The following ORMDL3 variants were observed in gnomAD, a reference collection of about 807,000 sequenced individuals.
The protein encoded by ORMDL3 is ORMDL sphingolipid biosynthesis regulator 3, also known as ORM1-like protein 3.
A neutral mutation model predicts 12.6 loss-of-function variants in ORMDL3; 6 were observed. That is an observed-to-expected ratio of 0.48 (90% CI 0.26 to 0.94). The LOEUF is 0.94. Among genes scored for constraint, ORMDL3 ranks in the 40% least tolerant of loss-of-function variants. The pLI, the probability that ORMDL3 is intolerant of heterozygous loss-of-function variation, is 0.14. For missense variants in ORMDL3, 159 were observed against 205.5 expected, an observed-to-expected ratio of 0.77 and a Z score of 1.38; for synonymous variants, 99 against 87.2, an observed-to-expected ratio of 1.14 and a Z score of -0.75.
chr17:39,922,815 A>G (rs1453997934), intron 3 of ORMDL3, 130 bp from the exon 4 acceptor site: 4 of 1,237,908 alleles, frequency 3.2e-6, no homozygotes, highest in Non-Finnish European at 4.4e-6. Flanking sequence ...AGACCAGCGT[A>G]AGAAGCAAGA....
intron 1 of ORMDL3, among the ~76,000 whole-genome samples, chr17:39,924,987 C>T (rs1388933708): frequency 6.6e-6 from 1 of 152,186 alleles, no homozygotes; most frequent in African/African-American, 2.4e-5. Flanking sequence ...ATGCTACCCA[C>T]TCCACTGCCA....
chr17:39,927,533 G>C lies in ORMDL3; in HGVS notation c.-72C>G, dbSNP rs1345720219. 1 of 985,366 alleles carries C rather than the reference G, an allele frequency of 1.0e-6. No individual in the cohort carries two copies. Among genetic ancestry groups the C allele is most frequent in the African/African-American group, 1.7e-5 (1 of 57,242 alleles). The allele number at this position is 985,366 out of a possible 1,614,324, so 61.0% of individuals were successfully genotyped here. ...CCGGGAACGGTTCCCGGGAGCGGGG[G>C]CCGCTGCTGCTCCAGCAGCTGTAAC... On this transcript the variant is annotated 5_prime_UTR_variant, in exon 1 of 4. Coordinates refer to ENST00000304046, the MANE Select transcript of ORMDL3 (RefSeq NM_139280.4).
Position 39,922,674 on chromosome 17 carries a change from G to GA in ORMDL3, c.337_338insT (p.Thr113IlefsTer6). 1 of 1,613,640 alleles carries GA rather than the reference G, an allele frequency of 6.2e-7. No individual in the cohort carries two copies. ...CTGGTCGTACTTAGTGTAGAAGCTGGTGAGGAAGTACCTGGGAGGGGAAGG... is the reference window on the plus strand; with the variant it reads ...CTGGTCGTACTTAGTGTAGAAGCTGGATGAGGAAGTACCTGGGAGGGGAAGG... On this transcript the variant is annotated frameshift_variant, in exon 4 of 4. Coordinates refer to ENST00000304046, the MANE Select transcript of ORMDL3 (RefSeq NM_139280.4). LOFTEE classifies it high-confidence loss of function.
At position 39,927,537 on chromosome 17, in the gene ORMDL3, C is replaced by T. The variant is rs1008396104; in HGVS notation, c.-76G>A. 1.0e-6 allele frequency: 1 copy of T among 985,534 alleles called. No individual in the cohort carries two copies. Among genetic ancestry groups the T allele is most frequent in the Non-Finnish European group, 1.2e-6 (1 of 829,994 alleles). The allele number at this position is 985,534 out of a possible 1,614,324, so 61.0% of individuals were successfully genotyped here. A position where few individuals can be genotyped will look rare whatever the true frequency, so the allele number is the denominator to read the frequency against. On this transcript the variant is annotated 5_prime_UTR_variant, in exon 1 of 4. Coordinates refer to ENST00000304046, the MANE Select transcript of ORMDL3 (RefSeq NM_139280.4). ...GAACGGTTCCCGGGAGCGGGGGCCGCTGCTGCTCCAGCAGCTGTAACAACC... is the reference window on the plus strand; with the variant it reads ...GAACGGTTCCCGGGAGCGGGGGCCGTTGCTGCTCCAGCAGCTGTAACAACC...
rs1349548476 is a variant in ORMDL3, at chr17:39,923,225, G to A, written c.213C>T (p.Pro71=). ...YIFLHTVKGT[P]FETPDQGKAR... ...CCTTGCCCTGGTCCGGGGTCTCAAA[G>A]GGTGTCCCCTTCACCGTGTGCAGGA... is the stretch of plus-strand genomic sequence containing the variant. Residue 71 remains proline, a synonymous_variant, in exon 3 of 4, where the codon CCC becomes CCT. Coordinates refer to ENST00000304046, the MANE Select transcript of ORMDL3 (RefSeq NM_139280.4). The A allele has an allele frequency of 6.2e-7, 1 of 1,614,164 alleles. No individual in the cohort carries two copies.
intron 2 of ORMDL3, among the ~76,000 whole-genome samples, chr17:39,923,735 G>A (rs1344582508): frequency 6.6e-6 from 1 of 152,124 alleles, no homozygotes; most frequent in Non-Finnish European, 1.5e-5. Context: ...GAACTCTCTG[G>A]AGCCCTTTGT....
At chr17:39,923,411 G>A in intron 2 of ORMDL3, 148 bp from the exon 3 acceptor site, 1 of 876,652 alleles carries the variant, frequency 1.1e-6, no homozygotes, top group Non-Finnish European at 1.8e-6. Flanking sequence ...TCAGGATGGA[G>A]CAGCTGGGAG....
At position 39,922,460 on chromosome 17, in the gene ORMDL3, A is replaced by G; in HGVS notation, c.*90T>C. 6.9e-7 allele frequency: 1 copy of G among 1,449,174 alleles called. No homozygotes were observed. The highest frequency in any genetic ancestry group is 2.2e-5 in the Admixed American group (1 of 45,780). 89.8% of individuals were successfully genotyped at this position (1,449,174 alleles called of 1,614,324 possible). ...AACCCCCATCTCTGGCAGTGTCCAG[A>G]GGCTTCTTCTTTCTGTCTTCAGTGT... On this transcript the variant is annotated 3_prime_UTR_variant, in exon 4 of 4. Coordinates refer to ENST00000304046, the MANE Select transcript of ORMDL3 (RefSeq NM_139280.4).
chr17:39,925,532 G>A (rs145465572), intron 1 of ORMDL3: 1 of 152,374 alleles, frequency 6.6e-6, no homozygotes, highest in African/African-American at 2.4e-5. Flanking sequence ...AGATATTCTA[G>A]AAGTACCCAG....
rs1193395891 is a variant in ORMDL3 at position 39,927,601 on chromosome 17, C to G, written c.-140G>C. The G allele has an allele frequency of 2.0e-6, 2 of 985,874 alleles. No homozygotes were observed. The allele number at this position is 985,874 out of a possible 1,614,324, so 61.1% of individuals were successfully genotyped here. A position where few individuals can be genotyped will look rare whatever the true frequency, so the allele number is the denominator to read the frequency against. On this transcript the variant is annotated 5_prime_UTR_variant, in exon 1 of 4. Transcript: ENST00000304046. ...TCCCCGCTGGCAGCTCCGGCCGAAT[C>G]AGCGCTCCGCGCCGGTCCCCGTACG... is the stretch of plus-strand genomic sequence containing the variant.
intron 2 of ORMDL3, among the ~76,000 whole-genome samples, chr17:39,923,570 A>G (rs1978315781): frequency 6.6e-6 from 1 of 152,020 alleles, no homozygotes; most frequent in African/African-American, 2.4e-5. Context: ...GGAGGAGGCA[A>G]GCGATGGGAC....
At chr17:39,923,654 C>T (rs568560385) in intron 2 of ORMDL3, among the ~76,000 whole-genome samples, 48 of 152,240 alleles carry the variant, frequency 3.2e-4, no homozygotes, top group African/African-American at 1.1e-3. Flanking sequence ...AAGTGGAAGA[C>T]GGTTCGAGAA....
intron 1 of ORMDL3, chr17:39,926,515 G>A (rs1290236943): frequency 6.6e-6 from 1 of 152,498 alleles, no homozygotes; most frequent in Non-Finnish European, 1.5e-5. Context: ...TAGGTCTACA[G>A]GAGTTGAGCC....
At chr17:39,924,293 C>T (rs997172579) in intron 1 of ORMDL3, 68 bp from the exon 2 acceptor site, 39 of 1,448,480 alleles carry the variant, frequency 2.7e-5, no homozygotes, top group South Asian at 2.4e-4. Context: ...CCTCGGATCC[C>T]GCTGGGAGGC....
chr17:39,927,130 T>C (rs1978473898), intron 1 of ORMDL3: 1 of 521,118 alleles, frequency 1.9e-6, no homozygotes, highest in Non-Finnish European at 2.5e-6. Context: ...CCCGCTCTGT[T>C]CCCCAGCCTG....
At position 39,923,175 on chromosome 17, in the gene ORMDL3, T is replaced by C. The variant is rs1978310433; in HGVS notation, c.263A>G (p.Gln88Arg). The change falls in exon 3 of 4, where the codon CAG becomes CGG. Residue 88 changes from glutamine to arginine, a missense_variant. Gln to Arg is a conservative substitution (Grantham distance 43). Coordinates refer to ENST00000304046, the MANE Select transcript of ORMDL3 (RefSeq NM_139280.4). Reference sequence around the variant, plus strand: ...CGTGAACTGGACCCCATAATCCATCTGCTCCCAGTGGGTTAGCAGCCTCGC... The same window carrying C: ...CGTGAACTGGACCCCATAATCCATCCGCTCCCAGTGGGTTAGCAGCCTCGC... ...GKARLLTHWE[Q>R]MDYGVQFTAS... 6.2e-7 allele frequency: 1 copy of C among 1,614,244 alleles called. No homozygotes were observed. Among genetic ancestry groups the C allele is most frequent in the Non-Finnish European group, 8.5e-7 (1 of 1,180,034 alleles).
intron 2 of ORMDL3, among the ~76,000 whole-genome samples, chr17:39,923,541 T>C (rs1287063648): frequency 6.6e-6 from 1 of 151,444 alleles, no homozygotes; most frequent in South Asian, 2.1e-4. Context: ...AGGCCACTCA[T>C]AGCCCCCTGT....
chr17:39,922,487 G>T lies in ORMDL3; in HGVS notation c.*63C>A. 1 of 1,542,198 alleles carries T rather than the reference G, an allele frequency of 6.5e-7. No homozygotes were observed. Among genetic ancestry groups the T allele is most frequent in the Non-Finnish European group, 8.8e-7 (1 of 1,139,726 alleles). On this transcript the variant is annotated 3_prime_UTR_variant, in exon 4 of 4. Transcript: ENST00000304046. ...GCTTCTTCTTTCTGTCTTCAGTGTT[G>T]CAGCACATGCCTTTTACCCTACCCC...
At chr17:39,926,179 A>G (rs1283419033) in intron 1 of ORMDL3, 3 of 152,240 alleles carry the variant, frequency 2.0e-5, no homozygotes, top group African/African-American at 7.2e-5. Flanking sequence ...GGAATCCCAG[A>G]TCACAGGACC....
Sources: gnomAD v4.1 joint callset for allele counts (sites outside exome capture counted in the v4.1 genomes callset) on GRCh38, gnomAD v4.1.1 for gene constraint, MANE v1.5 for transcripts, NCBI Gene and HGNC (gene_info 2026-07-23, HGNC 2026-07-21) for gene names.